MTUS2: variants seen among roughly 807,000 people sequenced by gnomAD.
The protein encoded by MTUS2 is microtubule-associated tumor suppressor candidate 2.
Under a neutral mutation model 114.1 loss-of-function variants are expected in MTUS2, and 40 were observed. The ratio of observed to expected loss-of-function variants is 0.35; its 90% confidence interval spans 0.27 to 0.46. The LOEUF (loss-of-function observed/expected upper bound fraction) is 0.46, where lower values mean the gene tolerates loss of function less well. MTUS2 is among the 20% of genes least tolerant of loss of function. The pLI is 1.00. For synonymous variants in MTUS2, 688 were observed against 672.0 expected, an observed-to-expected ratio of 1.02 and a Z score of -0.37; for missense variants, 1,679 against 1,705.4, an observed-to-expected ratio of 0.98 and a Z score of 0.27.
chr13:29,341,518 G>A (rs543537907), intron 7 of MTUS2, among the ~76,000 whole-genome samples: 2 of 152,184 alleles, frequency 1.3e-5, no homozygotes, highest in South Asian at 2.1e-4. Context: ...ATTTGTTTGA[G>A]TTTCTCATAG....
At chr13:29,242,729 C>T (rs186441238) in intron 5 of MTUS2, 1 of 152,334 alleles carries the variant, frequency 6.6e-6, no homozygotes, top group Admixed American at 6.5e-5. Context: ...AAGATATCAT[C>T]CCTGCCTTTG....
At chr13:29,333,271 G>A (rs1486988749) in intron 7 of MTUS2, among the ~76,000 whole-genome samples, 1 of 151,828 alleles carries the variant, frequency 6.6e-6, no homozygotes, top group East Asian at 1.9e-4. Context: ...GATCTCAGCT[G>A]ACTGTAACCT....
intron 5 of MTUS2, among the ~76,000 whole-genome samples, chr13:29,151,795 T>C (rs1892672697): frequency 6.6e-6 from 1 of 152,206 alleles, no homozygotes; most frequent in East Asian, 1.9e-4. Flanking sequence ...GATGATCATA[T>C]GGTTTTTGTT....
intron 15 of MTUS2, 83 bp downstream of exon 15, chr13:29,501,277 C>A: frequency 3.9e-6 from 4 of 1,015,398 alleles, no homozygotes; most frequent in South Asian, 1.4e-5. Flanking sequence ...CTCACTCTGG[C>A]CTGTGAGTCT....
intron 2 of MTUS2, among the ~76,000 whole-genome samples, chr13:28,946,013 G>A (rs1882507106): frequency 6.6e-6 from 1 of 152,152 alleles, no homozygotes; most frequent in Non-Finnish European, 1.5e-5. Context: ...AGTGCATTTA[G>A]CACACAGCTA....
In MTUS2 at chr13:29,379,714, C is replaced by T. The variant is rs560519014; in HGVS notation, c.3117+20241C>T. Among the ~76,000 whole-genome samples, 165 of 152,222 alleles carry T rather than the reference C, an allele frequency of 1.1e-3. 2 individuals are homozygous for T. Among genetic ancestry groups the T allele is most frequent in the African/African-American group, 3.9e-3 (160 of 41,526 alleles). On this transcript the variant is annotated intron_variant, in intron 8 of 15. Coordinates refer to ENST00000612955, the MANE Select transcript of MTUS2 (RefSeq NM_001033602.4). ...GTGGAGAAGGAGAGAAGAAAAAACC[C>T]AGGAGAGAGCTTTCAAACTGAAAAG...
At position 29,193,287 on chromosome 13, in the gene MTUS2, T is replaced by C. The variant is rs996753134; in HGVS notation, c.2645-88417T>C. Reference sequence around the variant, plus strand: ...GAAAGGGGGAGAGTAGTAGTAAATATAGAACACACCATTCAGCTCAGTGAA... The same window carrying C: ...GAAAGGGGGAGAGTAGTAGTAAATACAGAACACACCATTCAGCTCAGTGAA... On this transcript the variant is annotated intron_variant, in intron 5 of 15. Coordinates refer to ENST00000612955, the MANE Select transcript of MTUS2 (RefSeq NM_001033602.4). Among the ~76,000 whole-genome samples, 5 of 152,058 alleles carry C rather than the reference T, an allele frequency of 3.3e-5. No homozygotes were observed. In the South Asian group the frequency reaches 8.3e-4, roughly 25 times the overall value.
chr13:29,473,713 A>G (rs994943595), intron 9 of MTUS2, among the ~76,000 whole-genome samples: 10 of 152,158 alleles, frequency 6.6e-5, no homozygotes, highest in African/African-American at 2.4e-4. Context: ...TGCTTTTCAA[A>G]TCTATGCTTA....
intron 5 of MTUS2, among the ~76,000 whole-genome samples, chr13:29,220,344 A>G (rs926532063): frequency 6.6e-6 from 1 of 152,174 alleles, no homozygotes; most frequent in Middle Eastern, 3.4e-3. Flanking sequence ...TTTCCTTTGC[A>G]CTCACAGCTT....
At chr13:29,479,511 TA>T (rs1880984754) in intron 9 of MTUS2, among the ~76,000 whole-genome samples, 1 of 152,204 alleles carries the variant, frequency 6.6e-6, no homozygotes, top group African/African-American at 2.4e-5. Context: ...AATCTGTGAT[TA>T]GGGGTGGAGT....
At chr13:29,383,232 G>T (rs1485024314) in intron 8 of MTUS2, among the ~76,000 whole-genome samples, 1 of 25,066 alleles carries the variant, frequency 4.0e-5, no homozygotes, top group Admixed American at 6.5e-4. Flanking sequence ...GTGTGTGTGT[G>T]TGTGTGTGTG....
At chr13:29,183,925 C>A (rs933131528) in intron 5 of MTUS2, among the ~76,000 whole-genome samples, 2 of 152,030 alleles carry the variant, frequency 1.3e-5, no homozygotes, top group Non-Finnish European at 2.9e-5. Flanking sequence ...CTTTCTTCCC[C>A]CGTAGTTTGT....
At chr13:28,968,724 T>C (rs1189926889) in intron 2 of MTUS2, among the ~76,000 whole-genome samples, 1 of 152,232 alleles carries the variant, frequency 6.6e-6, no homozygotes, top group African/African-American at 2.4e-5. Flanking sequence ...GTAAAAATTT[T>C]AAGCAGATTG....
intron 4 of MTUS2, among the ~76,000 whole-genome samples, chr13:29,045,368 C>A (rs1432644358): frequency 1.3e-5 from 2 of 152,110 alleles, no homozygotes; most frequent in African/African-American, 2.4e-5. Flanking sequence ...TTATTGCTGT[C>A]TTATTTCCTC....
At chr13:28,945,034 A>G (rs1263869640) in intron 2 of MTUS2, among the ~76,000 whole-genome samples, 2 of 152,090 alleles carry the variant, frequency 1.3e-5, no homozygotes, top group Non-Finnish European at 2.9e-5. Context: ...GTGTCCATGC[A>G]TACACATTAT....
intron 10 of MTUS2, 119 bp from the exon 11 acceptor site, chr13:29,487,781 G>C: frequency 1.3e-6 from 1 of 793,698 alleles, no homozygotes; most frequent in Non-Finnish European, 2.1e-6. Flanking sequence ...CTCCTGCTTC[G>C]GCACAAGGCT....
At chr13:29,284,905 T>G (rs1199217349) in intron 6 of MTUS2, among the ~76,000 whole-genome samples, 1 of 152,136 alleles carries the variant, frequency 6.6e-6, no homozygotes, top group Non-Finnish European at 1.5e-5. Context: ...GGTTGTGATG[T>G]CTGAATGGAC....
At chr13:29,058,700 C>T (rs1888263814) in intron 4 of MTUS2, among the ~76,000 whole-genome samples, 1 of 146,978 alleles carries the variant, frequency 6.8e-6, no homozygotes, top group Non-Finnish European at 1.5e-5. Flanking sequence ...TCTCCAAATG[C>T]TATCCCTCCC....
At chr13:28,951,113 G>T (rs574263868) in intron 2 of MTUS2, among the ~76,000 whole-genome samples, 2 of 152,132 alleles carry the variant, frequency 1.3e-5, no homozygotes, top group East Asian at 1.9e-4. Context: ...GGATGCAAAA[G>T]AATCACAAAA....
Sources: gnomAD v4.1 joint callset for allele counts (sites outside exome capture counted in the v4.1 genomes callset) on GRCh38, gnomAD v4.1.1 for gene constraint, MANE v1.5 for transcripts, NCBI Gene and HGNC (gene_info 2026-07-23, HGNC 2026-07-21) for gene names.